Variants in PITPNC1 observed in about 807,000 individuals in gnomAD.
PITPNC1 encodes cytoplasmic phosphatidylinositol transfer protein 1.
Under a neutral mutation model 44.7 loss-of-function variants are expected in PITPNC1, and 18 were observed. The observed-to-expected ratio is 0.40, with a 90% CI of 0.28 to 0.60. The LOEUF (loss-of-function observed/expected upper bound fraction) is 0.60. Among genes scored for constraint, PITPNC1 ranks in the 20% least tolerant of loss-of-function variants. PITPNC1 has a pLI of 0.39. For missense variants in PITPNC1, 290 were observed against 418.4 expected, an observed-to-expected ratio of 0.69 and a Z score of 2.68; for synonymous variants, 141 against 149.6, an observed-to-expected ratio of 0.94 and a Z score of 0.42.
At chr17:67,672,249 C>T (rs1307985054) in intron 7 of PITPNC1, among the ~76,000 whole-genome samples, 2 of 151,908 alleles carry the variant, frequency 1.3e-5, no homozygotes, top group Non-Finnish European at 2.9e-5. Flanking sequence ...GTGTGTTTTC[C>T]ACTCACAAAG....
At chr17:67,495,036 AGTTG>A (rs2039925030) in intron 1 of PITPNC1, among the ~76,000 whole-genome samples, 2 of 69,946 alleles carry the variant, frequency 2.9e-5, no homozygotes, top group Non-Finnish European at 5.7e-5. Flanking sequence ...TGAGCCATGG[AGTTG>A]TTTTTTTTTT....
At chr17:67,426,466 G>C (rs1043969612) in intron 1 of PITPNC1, among the ~76,000 whole-genome samples, 1 of 152,276 alleles carries the variant, frequency 6.6e-6, no homozygotes, top group South Asian at 2.1e-4. Flanking sequence ...CAGGAACATG[G>C]ATGAAGCTGG....
intron 4 of PITPNC1, among the ~76,000 whole-genome samples, chr17:67,566,849 G>C (rs1395876557): frequency 1.3e-5 from 2 of 152,164 alleles, no homozygotes. Context: ...TGATACTTAA[G>C]AATCAGCATG....
chr17:67,415,549 G>A (rs1044612148), intron 1 of PITPNC1, among the ~76,000 whole-genome samples: 4 of 152,098 alleles, frequency 2.6e-5, no homozygotes, highest in Non-Finnish European at 2.9e-5. Context: ...TCAAACCACC[G>A]TTCCCCAAAT....
At chr17:67,451,699 C>T (rs150838329) in intron 1 of PITPNC1, among the ~76,000 whole-genome samples, 3,152 of 150,746 alleles carry the variant, frequency 0.021, 144 homozygotes, top group African/African-American at 0.072. Context: ...AGTGCAGTGG[C>T]GCGATCTCGG....
At chr17:67,415,701 C>G (rs1052201055) in intron 1 of PITPNC1, among the ~76,000 whole-genome samples, 1 of 152,140 alleles carries the variant, frequency 6.6e-6, no homozygotes, top group Non-Finnish European at 1.5e-5. Flanking sequence ...TAAATGAAAT[C>G]TAAAATGTTA....
At position 67,694,782 on chromosome 17, in the gene PITPNC1, A is replaced by C. The variant is rs1205996664; in HGVS notation, c.*1894A>C. 6 of 151,976 alleles carry C rather than the reference A, an allele frequency of 3.9e-5. No individual in the cohort carries two copies. Among genetic ancestry groups the C allele is most frequent in the Non-Finnish European group, 8.8e-5 (6 of 67,992 alleles). The allele number at this position is 151,976 out of a possible 1,614,324, so 9.4% of individuals were successfully genotyped here. ...GTGGGAAAACCTAATATTTTATCAG[A>C]CCCCTCGGACTTCTCAATCCCTCCC... is the stretch of plus-strand genomic sequence containing the variant. On this transcript the variant is annotated 3_prime_UTR_variant, in exon 9 of 9. Coordinates refer to ENST00000581322, the MANE Select transcript of PITPNC1 (RefSeq NM_012417.4).
At chr17:67,407,475 A>G (rs1236387818) in intron 1 of PITPNC1, among the ~76,000 whole-genome samples, 1 of 152,130 alleles carries the variant, frequency 6.6e-6, no homozygotes, top group Admixed American at 6.6e-5. Flanking sequence ...ACTTTTTCAT[A>G]GTGACCTTTA....
At chr17:67,578,543 C>T (rs1239994558) in intron 5 of PITPNC1, among the ~76,000 whole-genome samples, 1 of 152,198 alleles carries the variant, frequency 6.6e-6, no homozygotes, top group African/African-American at 2.4e-5. Context: ...TGACAGGGCA[C>T]TTGGAACTCC....
chr17:67,649,347 T>G (rs1295188156), intron 6 of PITPNC1, among the ~76,000 whole-genome samples: 1 of 152,232 alleles, frequency 6.6e-6, no homozygotes, highest in Non-Finnish European at 1.5e-5. Context: ...AGGGCTGAGA[T>G]GGAACCATGG....
intron 1 of PITPNC1, among the ~76,000 whole-genome samples, chr17:67,511,395 A>G (rs527277164): frequency 8.9e-4 from 135 of 152,304 alleles, no homozygotes; most frequent in African/African-American, 3.1e-3. Context: ...TGGTAAGAAC[A>G]TCTTTAATTT....
chr17:67,478,965 C>T (rs544110048), intron 1 of PITPNC1, among the ~76,000 whole-genome samples: 1 of 152,048 alleles, frequency 6.6e-6, no homozygotes, highest in South Asian at 2.1e-4. Flanking sequence ...GCAACCTCAG[C>T]AGTTGGTACC....
chr17:67,406,711 C>T (rs975744321), intron 1 of PITPNC1, among the ~76,000 whole-genome samples: 26 of 151,810 alleles, frequency 1.7e-4, no homozygotes, highest in African/African-American at 6.1e-4. Context: ...CTCAGCCTCC[C>T]GAGTAGCTGG....
At chr17:67,424,781 C>T (rs186619082) in intron 1 of PITPNC1, among the ~76,000 whole-genome samples, 33 of 151,998 alleles carry the variant, frequency 2.2e-4, no homozygotes, top group East Asian at 1.6e-3. Context: ...CTGCAACCTC[C>T]GCCTCCTAGG....
chr17:67,616,543 T>C (rs1243455381), intron 5 of PITPNC1, among the ~76,000 whole-genome samples: 1 of 152,170 alleles, frequency 6.6e-6, no homozygotes, highest in African/African-American at 2.4e-5. Flanking sequence ...CTCTGATCAC[T>C]GCCCCTTGAA....
chr17:67,540,100 ATTTT>A (rs769123595), intron 2 of PITPNC1, among the ~76,000 whole-genome samples: 1 of 140,818 alleles, frequency 7.1e-6, no homozygotes, highest in Non-Finnish European at 1.5e-5. Context: ...ATTTTATTTT[ATTTT>A]ATTTTATTTA....
At chr17:67,663,858 C>A (rs1221058826) in intron 6 of PITPNC1, among the ~76,000 whole-genome samples, 1 of 152,194 alleles carries the variant, frequency 6.6e-6, no homozygotes, top group Admixed American at 6.5e-5. Flanking sequence ...CTTATGGAAA[C>A]CTGCTTCCGC....
At position 67,419,926 on chromosome 17, in the gene PITPNC1, A is replaced by AAG. The variant is rs984609844; in HGVS notation, c.48+41738_48+41739dup. Reference sequence around the variant, plus strand: ...AGCAAGACCCTGTCTCAAAAAAAAAAAGAGAGAGAGAGAGAAAACCAGAAC... The same window carrying AAG: ...AGCAAGACCCTGTCTCAAAAAAAAAAAGAGAGAGAGAGAGAGAAAACCAGAAC... On this transcript the variant is annotated intron_variant, in intron 1 of 8. Coordinates refer to ENST00000581322, the MANE Select transcript of PITPNC1 (RefSeq NM_012417.4). Among the ~76,000 whole-genome samples, 6 of 151,764 alleles carry AAG rather than the reference A, an allele frequency of 4.0e-5. No homozygotes were observed. In the East Asian group the frequency reaches 1.2e-3, roughly 29 times the overall value.
chr17:67,450,671 C>A (rs2039162581), intron 1 of PITPNC1, among the ~76,000 whole-genome samples: 1 of 152,206 alleles, frequency 6.6e-6, no homozygotes, highest in South Asian at 2.1e-4. Flanking sequence ...AAGTGATCCA[C>A]CCGCATCAGA....
Sources: gnomAD v4.1 joint callset for allele counts (sites outside exome capture counted in the v4.1 genomes callset) on GRCh38, gnomAD v4.1.1 for gene constraint, MANE v1.5 for transcripts, NCBI Gene and HGNC (gene_info 2026-07-23, HGNC 2026-07-21) for gene names.